KLK5: variants seen among roughly 807,000 people sequenced by gnomAD.
The protein encoded by KLK5 is kallikrein-5.
A neutral mutation model predicts 24.0 loss-of-function variants in KLK5; 18 were observed. That is an observed-to-expected ratio of 0.75 (90% CI 0.52 to 1.11). The LOEUF (loss-of-function observed/expected upper bound fraction) is 1.11, where lower values mean the gene tolerates loss of function less well. KLK5 is among the 50% of genes most tolerant of loss of function. The pLI is 0.00. For missense variants in KLK5, 374 were observed against 379.2 expected, an observed-to-expected ratio of 0.99 and a Z score of 0.11; for synonymous variants, 140 against 154.0, an observed-to-expected ratio of 0.91 and a Z score of 0.67.
In KLK5 at chr19:50,949,416, A is replaced by G. The variant is rs148550431; in HGVS notation, c.336-301T>C. On this transcript the variant is annotated intron_variant, in intron 3 of 5. Transcript: ENST00000336334. ...AACTCCAATCCCCATCCTTCATTCTATATCTGCTCCCAATCTCAACCCTAT... is the reference window on the plus strand; with the variant it reads ...AACTCCAATCCCCATCCTTCATTCTGTATCTGCTCCCAATCTCAACCCTAT... 2.0e-5 allele frequency among the ~76,000 whole-genome samples: 3 copies of G among 151,068 alleles called. 1 individual carries two copies. Among genetic ancestry groups the G allele is most frequent in the East Asian group, 3.9e-4 (2 of 5,096 alleles).
At chr19:50,946,735 G>GT (rs1232694827) in intron 5 of KLK5, among the ~76,000 whole-genome samples, 1 of 151,548 alleles carries the variant, frequency 6.6e-6, no homozygotes, top group Non-Finnish European at 1.5e-5. Flanking sequence ...AATTTTTTGT[G>GT]TTTTTAGTAG....
rs574595453 is a variant in KLK5, at chr19:50,945,055, T to C, written c.727-1269A>G. Among the ~76,000 whole-genome samples, 97 of 136,840 alleles carry C rather than the reference T, an allele frequency of 7.1e-4. 1 individual carries two copies. The East Asian group carries it at 0.015, about 22-fold the overall frequency. The allele number at this position is 136,840 out of a possible 152,430, so 89.8% of individuals were successfully genotyped here. A position where few individuals can be genotyped will look rare whatever the true frequency, so the allele number is the denominator to read the frequency against. ...TTCCTTTCTTTCTCCTTCCTTCCTTTCTTTCTCCTTCCTTCCTTCCTTTCT... is the reference window on the plus strand; with the variant it reads ...TTCCTTTCTTTCTCCTTCCTTCCTTCCTTTCTCCTTCCTTCCTTCCTTTCT... On this transcript the variant is annotated intron_variant, in intron 5 of 5. Transcript: ENST00000336334.
intron 3 of KLK5, 61 bp downstream of exon 3, chr19:50,949,794 T>TGCCCCCCCCC: frequency 9.2e-6 from 1 of 109,256 alleles, no homozygotes; most frequent in Non-Finnish European, 1.7e-5. Context: ...CACCCCCACT[T>TGCCCCCCCCC]CCCCACCCCC....
chr19:50,949,814 T>A, intron 3 of KLK5, 41 bp downstream of exon 3: 6 of 303,746 alleles, frequency 2.0e-5, no homozygotes, highest in Non-Finnish European at 3.3e-5. Context: ...CACCCCCACT[T>A]CCCCGTCCCC....
intron 5 of KLK5, among the ~76,000 whole-genome samples, chr19:50,945,464 A>G (rs1451165377): frequency 1.3e-5 from 2 of 151,948 alleles, no homozygotes; most frequent in African/African-American, 4.8e-5. Flanking sequence ...AATGAAAAGT[A>G]GCTTGAGTGG....
chr19:50,945,018 CTCCT>C (rs1394285397), intron 5 of KLK5, among the ~76,000 whole-genome samples: 61 of 141,904 alleles, frequency 4.3e-4, no homozygotes, highest in African/African-American at 5.6e-4. Flanking sequence ...TCCTTTCTTT[CTCCT>C]TCCTTCCTTC....
At chr19:50,948,370 G>T (rs1238159855) in intron 5 of KLK5, among the ~76,000 whole-genome samples, 2 of 152,128 alleles carry the variant, frequency 1.3e-5, no homozygotes, top group South Asian at 2.1e-4. Flanking sequence ...TGATCTGCCT[G>T]CCTCAGCCTC....
Position 50,945,786 on chromosome 19 carries a change from G to A in KLK5, c.727-2000C>T, listed in dbSNP as rs533429691. ...AGCCTGGGTGACAGAGCGAGACTCC[G>A]TCTCAAAAAAGAAAAGAAAAGAAAA... On this transcript the variant is annotated intron_variant, in intron 5 of 5. Transcript: ENST00000336334. Among the ~76,000 whole-genome samples the A allele has an allele frequency of 1.0e-3, 59 of 56,496 alleles. No individual in the cohort carries two copies. In the East Asian group the frequency reaches 0.038, roughly 37 times the overall value. The allele number at this position is 56,496 out of a possible 152,430, so 37.1% of individuals were successfully genotyped here. A position where few individuals can be genotyped will look rare whatever the true frequency, so the allele number is the denominator to read the frequency against.
At chr19:50,951,611 T>A (rs928558049) in intron 2 of KLK5, among the ~76,000 whole-genome samples, 4 of 152,094 alleles carry the variant, frequency 2.6e-5, no homozygotes, top group Admixed American at 1.3e-4. Context: ...ACCACCATCA[T>A]TCACGAACTC....
intron 3 of KLK5, 109 bp from the exon 4 acceptor site, chr19:50,949,224 T>A: frequency 1.0e-6 from 1 of 976,346 alleles, no homozygotes; most frequent in South Asian, 1.7e-5. Flanking sequence ...CCACCCCCGG[T>A]CCCCAAACCA....
intron 5 of KLK5, among the ~76,000 whole-genome samples, chr19:50,946,068 T>C (rs2090631106): frequency 6.6e-6 from 1 of 152,376 alleles, no homozygotes; most frequent in Admixed American, 6.5e-5. Flanking sequence ...TATCAATTAT[T>C]AGGAAAGCCA....
At chr19:50,949,429 A>G (rs142124550) in intron 3 of KLK5, among the ~76,000 whole-genome samples, 67 of 150,548 alleles carry the variant, frequency 4.5e-4, no homozygotes, top group East Asian at 1.4e-3. Flanking sequence ...TCTGCTCCCA[A>G]TCTCAACCCT....
In KLK5 at chr19:50,949,158, C is replaced by A. The variant is rs746099352; in HGVS notation, c.336-43G>T. 6.3e-6 allele frequency: 10 copies of A among 1,587,860 alleles called. No homozygotes were observed. The African/African-American group carries it at 1.2e-4, about 19-fold the overall frequency. On this transcript the variant is annotated intron_variant, in intron 3 of 5. Coordinates refer to ENST00000336334, the MANE Select transcript of KLK5 (RefSeq NM_012427.5). ...GGTCACCACCAACCCTGATCTCTAT[C>A]TCCACGTCCAACGCCAATCCCAACC...
rs2090697841 is a variant in KLK5, at chr19:50,952,633, T to G, written c.25A>C (p.Met9Leu). MATARPPW[M>L]WVLCALITAL... Reference sequence around the variant, plus strand: ...GTGATCAGAGCACAGAGCACCCACATCCAGGGGGGTCTTGCTGTAGCCATG... The same window carrying G: ...GTGATCAGAGCACAGAGCACCCACAGCCAGGGGGGTCTTGCTGTAGCCATG... The change falls in exon 2 of 6, where the codon ATG becomes CTG. Residue 9 changes from methionine (M) to leucine (L), a missense_variant. By Grantham distance (15) the Met-to-Leu change is conservative. Transcript: ENST00000336334. 1 of 1,589,650 alleles carries G rather than the reference T, an allele frequency of 6.3e-7. No individual in the cohort carries two copies. Among genetic ancestry groups the G allele is most frequent in the South Asian group, 1.1e-5 (1 of 89,510 alleles).
intron 5 of KLK5, among the ~76,000 whole-genome samples, chr19:50,945,473 G>A (rs950081180): frequency 6.6e-6 from 1 of 151,728 alleles, no homozygotes; most frequent in African/African-American, 2.4e-5. Context: ...TAGCTTGAGT[G>A]GACCTCTGTT....
Position 50,952,961 on chromosome 19 carries a change from G to A in KLK5, c.-226C>T. The A allele has an allele frequency of 3.8e-6, 1 of 263,720 alleles. No homozygotes were observed. The highest frequency in any genetic ancestry group is 7.1e-6 in the Non-Finnish European group (1 of 140,170). 16.3% of individuals were successfully genotyped at this position (263,720 alleles called of 1,614,324 possible). On this transcript the variant is annotated 5_prime_UTR_variant, in exon 1 of 6. Coordinates refer to ENST00000336334, the MANE Select transcript of KLK5 (RefSeq NM_012427.5). Reference sequence around the variant, plus strand: ...CAGGTCTCACTTGCCCTGTCCCCCAGGTAGGGGGTGGGGGATTTGCTCCCA... The same window carrying A: ...CAGGTCTCACTTGCCCTGTCCCCCAAGTAGGGGGTGGGGGATTTGCTCCCA...
intron 2 of KLK5, among the ~76,000 whole-genome samples, chr19:50,952,176 G>GATATGTATATGTATCCTGCATATACAT (rs2090692883): frequency 1.4e-4 from 7 of 50,122 alleles, no homozygotes; most frequent in Admixed American, 6.6e-4. Context: ...GGACCTCAGG[G>GATATGTATATGTATCCTGCATATACAT]ACAGGAACTG....
intron 5 of KLK5, 136 bp from the exon 6 acceptor site, chr19:50,943,922 T>G: frequency 3.4e-6 from 2 of 587,390 alleles, no homozygotes; most frequent in Admixed American, 3.2e-5. Context: ...AGTACAGAGA[T>G]GAAGAAATGC....
chr19:50,945,566 G>A (rs1328734444), intron 5 of KLK5, among the ~76,000 whole-genome samples: 3 of 151,784 alleles, frequency 2.0e-5, no homozygotes, highest in African/African-American at 7.3e-5. Context: ...GCCGAGGCAG[G>A]CAGATCACTG....
Sources: gnomAD v4.1 joint callset for allele counts (sites outside exome capture counted in the v4.1 genomes callset) on GRCh38, gnomAD v4.1.1 for gene constraint, MANE v1.5 for transcripts, NCBI Gene and HGNC (gene_info 2026-07-23, HGNC 2026-07-21) for gene names.